WDFY4: variants seen among roughly 807,000 people sequenced by gnomAD.
The protein encoded by WDFY4 is WD repeat- and FYVE domain-containing protein 4.
WDFY4 carries 169 observed loss-of-function variants against 351.9 expected under a neutral mutation model. The observed-to-expected ratio is 0.48, with a 90% CI of 0.42 to 0.55. WDFY4 has a LOEUF of 0.55. Ranked by LOEUF, WDFY4 falls within the 20% of genes least tolerant of loss-of-function variation. The pLI is 0.00. For missense variants in WDFY4, 3,803 were observed against 3,935.6 expected (o/e 0.97, Z 0.90); for synonymous variants, 1,622 against 1,574.6 (o/e 1.03, Z -0.71).
chr10:48,923,483 C>T (rs1839276810), intron 47 of WDFY4, among the ~76,000 whole-genome samples: 1 of 66,072 alleles, frequency 1.5e-5, no homozygotes, highest in Non-Finnish European at 3.4e-5. Context: ...AGGTAAACAA[C>T]AAATAGTTTT....
At position 48,867,335 on chromosome 10, in the gene WDFY4, A is replaced by T. The variant is rs1219246117; in HGVS notation, c.6734A>T (p.His2245Leu). 2.7e-6 allele frequency: 4 copies of T among 1,497,028 alleles called. No homozygotes were observed. The highest frequency in any genetic ancestry group is 5.2e-5 in the East Asian group (2 of 38,818). The allele number at this position is 1,497,028 out of a possible 1,614,324, so 92.7% of individuals were successfully genotyped here. A position where few individuals can be genotyped will look rare whatever the true frequency, so the allele number is the denominator to read the frequency against. ...QELYASLYKD[H>L]VQRRKCGNIK... ...CTATATGCATCTTTATACAAAGACC[A>T]TGTGCAAGTAAGAAACAAAACATAG... Residue 2245 changes from histidine (H) to leucine (L), a missense_variant, in exon 40 of 62, where the codon CAT becomes CTT. His to Leu is a moderately conservative substitution (Grantham distance 99, BLOSUM62 -3). Around this residue, in one of 3 missense-constraint regions of WDFY4, gnomAD observed 3,054 missense variants for 3,148.6 expected, o/e 0.97. Coordinates refer to ENST00000325239, the MANE Select transcript of WDFY4 (RefSeq NM_001394531.1).
At chr10:48,877,585 C>T (rs1328932902) in intron 43 of WDFY4, among the ~76,000 whole-genome samples, 1 of 152,360 alleles carries the variant, frequency 6.6e-6, no homozygotes, top group African/African-American at 2.4e-5. Flanking sequence ...AGGTCCCACA[C>T]CTTGAGGGGT....
intron 11 of WDFY4, among the ~76,000 whole-genome samples, chr10:48,737,391 A>G (rs2064706877): frequency 6.6e-6 from 1 of 152,204 alleles, no homozygotes; most frequent in South Asian, 2.1e-4. Context: ...GATTTCCAAA[A>G]TTAGGTCAAT....
chr10:48,849,625 T>C (rs1315246990), intron 39 of WDFY4, among the ~76,000 whole-genome samples: 1 of 152,174 alleles, frequency 6.6e-6, no homozygotes, highest in Non-Finnish European at 1.5e-5. Flanking sequence ...TGAATTCCCA[T>C]TGTGATTTAG....
chr10:48,940,433 G>C (rs898665039), intron 47 of WDFY4, among the ~76,000 whole-genome samples: 1 of 152,222 alleles, frequency 6.6e-6, no homozygotes, highest in Non-Finnish European at 1.5e-5. Context: ...ATTGAATGCA[G>C]AGGGATGGAG....
At chr10:48,726,294 T>C (rs1197835940) in intron 6 of WDFY4, among the ~76,000 whole-genome samples, 1 of 152,250 alleles carries the variant, frequency 6.6e-6, no homozygotes, top group African/African-American at 2.4e-5. Context: ...TTCATTTTGC[T>C]GCTCCATTGG....
chr10:48,969,346 T>A, intron 56 of WDFY4, 98 bp downstream of exon 56: 2 of 1,382,880 alleles, frequency 1.4e-6, no homozygotes, highest in Non-Finnish European at 2.0e-6. Flanking sequence ...CAAAGCAACC[T>A]CGCTCACTTT....
At chr10:48,703,124 G>A (rs2063525874) in intron 1 of WDFY4, among the ~76,000 whole-genome samples, 1 of 152,236 alleles carries the variant, frequency 6.6e-6, no homozygotes, top group African/African-American at 2.4e-5. Flanking sequence ...GAAGAGGGAA[G>A]CAAGCACTAG....
chr10:48,930,039 C>G (rs918191043), intron 47 of WDFY4, among the ~76,000 whole-genome samples: 18 of 152,158 alleles, frequency 1.2e-4, no homozygotes, highest in African/African-American at 4.3e-4. Flanking sequence ...CCACCTACCC[C>G]AAGACACATG....
intron 47 of WDFY4, among the ~76,000 whole-genome samples, chr10:48,905,629 A>G (rs925531118): frequency 6.6e-6 from 1 of 152,190 alleles, no homozygotes; most frequent in African/African-American, 2.4e-5. Flanking sequence ...TCATCTAGGA[A>G]CAGTGCTTAG....
At chr10:48,708,974 C>A (rs1180946652) in intron 1 of WDFY4, among the ~76,000 whole-genome samples, 1 of 151,330 alleles carries the variant, frequency 6.6e-6, no homozygotes, top group African/African-American at 2.4e-5. Context: ...AAAAGAGAAG[C>A]AGCAACAAGT....
chr10:48,950,040 A>T (rs1397217322), intron 51 of WDFY4, among the ~76,000 whole-genome samples: 2 of 152,156 alleles, frequency 1.3e-5, no homozygotes, highest in African/African-American at 4.8e-5. Flanking sequence ...TGTTGTGGAA[A>T]ATATGCATAA....
At chr10:48,859,067 T>A (rs2069244768) in intron 39 of WDFY4, among the ~76,000 whole-genome samples, 1 of 152,146 alleles carries the variant, frequency 6.6e-6, no homozygotes, top group Non-Finnish European at 1.5e-5. Flanking sequence ...TGACCGCATT[T>A]TTTTTGTAAA....
chr10:48,736,632 G>C (rs1249365873), intron 11 of WDFY4, among the ~76,000 whole-genome samples: 1 of 152,204 alleles, frequency 6.6e-6, no homozygotes, highest in East Asian at 1.9e-4. Flanking sequence ...AGAGTACCTG[G>C]GGCTTATAGT....
intron 9 of WDFY4, 98 bp from the exon 10 acceptor site, chr10:48,733,833 T>G (rs2064552480): frequency 9.3e-7 from 1 of 1,073,686 alleles, no homozygotes. Flanking sequence ...AAGCATTATA[T>G]TCACATCTCC....
chr10:48,744,526 G>C (rs564510110), intron 12 of WDFY4, among the ~76,000 whole-genome samples: 1 of 152,148 alleles, frequency 6.6e-6, no homozygotes, highest in African/African-American at 2.4e-5. Context: ...AAGGATTTTT[G>C]CACTGATATT....
chr10:48,701,973 T>C (rs1333738327), intron 1 of WDFY4, among the ~76,000 whole-genome samples: 3 of 152,324 alleles, frequency 2.0e-5, no homozygotes, highest in African/African-American at 4.8e-5. Flanking sequence ...ACCTCTGGCT[T>C]TTCCATTAAT....
chr10:48,691,630 G>A (rs796606605), intron 1 of WDFY4, among the ~76,000 whole-genome samples: 5 of 152,254 alleles, frequency 3.3e-5, no homozygotes, highest in Non-Finnish European at 7.3e-5. Flanking sequence ...TCACTTGGAT[G>A]TGAAAATTAG....
intron 12 of WDFY4, among the ~76,000 whole-genome samples, chr10:48,748,839 C>T (rs935860597): frequency 5.9e-5 from 9 of 152,200 alleles, no homozygotes; most frequent in Non-Finnish European, 1.2e-4. Flanking sequence ...TCTGCCGTAC[C>T]ACACTTGTAT....
Sources: gnomAD v4.1 joint callset for allele counts (sites outside exome capture counted in the v4.1 genomes callset) on GRCh38, gnomAD v4.1.1 for gene constraint, gnomAD v4.1.1 regional missense constraint, MANE v1.5 for transcripts, NCBI Gene and HGNC (gene_info 2026-07-23, HGNC 2026-07-21) for gene names.